The following LPP variants were observed in gnomAD, a reference collection of about 807,000 sequenced individuals.
LPP encodes lipoma-preferred partner.
Under a neutral mutation model 60.4 loss-of-function variants are expected in LPP, and 38 were observed. The ratio of observed to expected loss-of-function variants is 0.63; its 90% CI spans 0.49 to 0.83. The LOEUF (loss-of-function observed/expected upper bound fraction) is 0.83, where lower values mean the gene tolerates loss of function less well. Among genes scored for constraint, LPP ranks in the 40% least tolerant of loss-of-function variants. The pLI, the probability that LPP is intolerant of heterozygous loss-of-function variation, is 0.00. For missense variants in LPP, 902 were observed against 783.6 expected, an observed-to-expected ratio of 1.15 and a Z score of -1.80; for synonymous variants, 328 against 290.8, an observed-to-expected ratio of 1.13 and a Z score of -1.30.
chr3:188,240,198 A>C (rs552696981), intron 2 of LPP: 2 of 180,390 alleles, frequency 1.1e-5, no homozygotes, highest in Non-Finnish European at 2.4e-5. Flanking sequence ...TGTGTGTTTC[A>C]TTTTCCTTTC....
At chr3:188,314,878 A>C (rs1356614848) in intron 2 of LPP, among the ~76,000 whole-genome samples, 1 of 152,218 alleles carries the variant, frequency 6.6e-6, no homozygotes, top group Admixed American at 6.5e-5. Flanking sequence ...AAATAGTTTG[A>C]TAACATTTAC....
intron 6 of LPP, among the ~76,000 whole-genome samples, chr3:188,574,941 C>T (rs1043618639): frequency 2.6e-5 from 4 of 151,732 alleles, no homozygotes; most frequent in Admixed American, 1.3e-4. Context: ...ATCACTGTTA[C>T]GTTTGCGGCA....
chr3:188,541,047 T>C (rs1451609245), intron 6 of LPP, among the ~76,000 whole-genome samples: 1 of 152,240 alleles, frequency 6.6e-6, no homozygotes, highest in African/African-American at 2.4e-5. Flanking sequence ...ATTCCTCTGA[T>C]AAGTGAACAA....
intron 4 of LPP, among the ~76,000 whole-genome samples, chr3:188,447,122 T>C (rs1336835388): frequency 1.3e-5 from 2 of 152,220 alleles, no homozygotes; most frequent in African/African-American, 4.8e-5. Flanking sequence ...AGAGATCATC[T>C]ATGCAATCAA....
intron 4 of LPP, among the ~76,000 whole-genome samples, chr3:188,475,243 T>C (rs1802854749): frequency 6.6e-6 from 1 of 152,238 alleles, no homozygotes; most frequent in African/African-American, 2.4e-5. Flanking sequence ...TCATCTACTT[T>C]AAAGATAATT....
intron 5 of LPP, among the ~76,000 whole-genome samples, chr3:188,489,781 T>G (rs1394635228): frequency 1.3e-5 from 2 of 152,200 alleles, no homozygotes; most frequent in Non-Finnish European, 2.9e-5. Context: ...ATTCAGGGGC[T>G]CAATATTTAA....
At chr3:188,264,851 A>T (rs1170815989) in intron 2 of LPP, among the ~76,000 whole-genome samples, 1 of 151,694 alleles carries the variant, frequency 6.6e-6, no homozygotes, top group Non-Finnish European at 1.5e-5. Flanking sequence ...TATGAATATT[A>T]TAAGTAAGTA....
chr3:188,616,457 A>G (rs11921981), intron 7 of LPP, among the ~76,000 whole-genome samples: 148,487 of 152,276 alleles, frequency 0.98, 72,498 homozygotes, highest in East Asian at 1. Flanking sequence ...GTCTGTTTCA[A>G]TACCAGTACC....
chr3:188,269,645 A>ATGTGTGTGTGTGTGTG lies in LPP; in HGVS notation c.-67+44138_-67+44153dup, dbSNP rs368115626. 3.3e-3 allele frequency among the ~76,000 whole-genome samples: 454 copies of ATGTGTGTGTGTGTGTG among 136,508 alleles called. 2 individuals carry two copies. Among genetic ancestry groups the ATGTGTGTGTGTGTGTG allele is most frequent in the African/African-American group, 7.0e-3 (252 of 35,794 alleles). 89.6% of individuals were successfully genotyped at this position (136,508 alleles called of 152,430 possible). A position where few individuals can be genotyped will look rare whatever the true frequency, so the allele number is the denominator to read the frequency against. On this transcript the variant is annotated intron_variant, in intron 2 of 11. Coordinates refer to ENST00000617246, the MANE Select transcript of LPP (RefSeq NM_001375462.1). ...GCTAGCTGGTTGTGCCTTTTTTTTT[A>ATGTGTGTGTGTGTGTG]TGTGTGTGTGTGTGTGTGTGTGTGT... is the stretch of plus-strand genomic sequence containing the variant.
intron 6 of LPP, among the ~76,000 whole-genome samples, chr3:188,526,305 T>A (rs75174633): frequency 2.8e-5 from 4 of 143,606 alleles, no homozygotes; most frequent in Non-Finnish European, 6.1e-5. Context: ...CTTTTTTTTT[T>A]CTTTTATGAG....
At chr3:188,375,471 C>G (rs1373023479) in intron 3 of LPP, among the ~76,000 whole-genome samples, 1 of 152,140 alleles carries the variant, frequency 6.6e-6, no homozygotes, top group East Asian at 1.9e-4. Context: ...TCCATTTATT[C>G]TAGATTTTCT....
intron 9 of LPP, among the ~76,000 whole-genome samples, chr3:188,855,325 C>T (rs1295935894): frequency 1.3e-5 from 2 of 152,128 alleles, no homozygotes; most frequent in African/African-American, 2.4e-5. Context: ...TAAGCGCTGC[C>T]GCAGAGGCTG....
chr3:188,827,395 A>G (rs1291727532), intron 9 of LPP, among the ~76,000 whole-genome samples: 1 of 152,228 alleles, frequency 6.6e-6, no homozygotes, highest in Non-Finnish European at 1.5e-5. Flanking sequence ...CCCTGCCTAT[A>G]CAAATAGTAC....
At chr3:188,158,656 T>G (rs1190991812) in intron 1 of LPP, among the ~76,000 whole-genome samples, 1 of 152,248 alleles carries the variant, frequency 6.6e-6, no homozygotes, top group Non-Finnish European at 1.5e-5. Context: ...TGTTATGTAA[T>G]TATCATATTG....
chr3:188,479,106 C>A (rs1164975453), intron 4 of LPP, among the ~76,000 whole-genome samples: 1 of 152,112 alleles, frequency 6.6e-6, no homozygotes, highest in Non-Finnish European at 1.5e-5. Flanking sequence ...TTATGCTTTG[C>A]TAACCATGAT....
chr3:188,399,754 C>T (rs1781803224), intron 3 of LPP, among the ~76,000 whole-genome samples: 1 of 152,168 alleles, frequency 6.6e-6, no homozygotes, highest in African/African-American at 2.4e-5. Context: ...AAGTTTATTG[C>T]ACTGGATGTT....
At chr3:188,304,215 TAATAG>T (rs776430091) in intron 2 of LPP, among the ~76,000 whole-genome samples, 5 of 152,210 alleles carry the variant, frequency 3.3e-5, no homozygotes, top group Non-Finnish European at 7.3e-5. Flanking sequence ...TTAAATGGCG[TAATAG>T]AAAATTTGCA....
chr3:188,783,628 A>G (rs1740548643), intron 9 of LPP, among the ~76,000 whole-genome samples: 1 of 152,146 alleles, frequency 6.6e-6, no homozygotes, highest in Non-Finnish European at 1.5e-5. Context: ...GAGTGGTGAA[A>G]TAATCTGTAC....
At chr3:188,329,090 A>G (rs1215725073) in intron 2 of LPP, among the ~76,000 whole-genome samples, 2 of 152,122 alleles carry the variant, frequency 1.3e-5, no homozygotes, top group Admixed American at 6.6e-5. Flanking sequence ...TATGAAAATA[A>G]TTTTGAACTT....
Sources: allele counts gnomAD v4.1 joint callset (sites outside exome capture counted in the v4.1 genomes callset), GRCh38; gene constraint gnomAD v4.1.1; transcripts MANE v1.5; gene names NCBI Gene and HGNC (gene_info 2026-07-23, HGNC 2026-07-21).